The following MEGF6 variants were observed in gnomAD, a reference collection of about 807,000 sequenced individuals.
The protein encoded by MEGF6 is multiple epidermal growth factor-like domains protein 6.
In MEGF6, 184 loss-of-function variants were observed where a neutral mutation model predicts 207.1. The ratio of observed to expected loss-of-function variants is 0.89; its 90% CI spans 0.79 to 1.00. MEGF6 has a LOEUF of 1.00. MEGF6 is among the 50% of genes least tolerant of loss of function. The pLI, the probability that MEGF6 is intolerant of heterozygous loss-of-function variation, is 0.00. For missense variants in MEGF6, 2,282 were observed against 2,202.9 expected, an observed-to-expected ratio of 1.04 and a Z score of -0.72; for synonymous variants, 1,038 against 910.0, an observed-to-expected ratio of 1.14 and a Z score of -2.53.
At chr1:3,497,141 C>G (rs377429809) in intron 27 of MEGF6, 22 bp from the exon 28 acceptor site, 5 of 1,550,816 alleles carry the variant, frequency 3.2e-6, no homozygotes, top group East Asian at 2.3e-5. Context: ...CAGGCAGGGT[C>G]GGTCCTGGCC....
chr1:3,585,905 C>G (rs1245594799), intron 3 of MEGF6, among the ~76,000 whole-genome samples: 1 of 135,140 alleles, frequency 7.4e-6, no homozygotes, highest in Non-Finnish European at 1.5e-5. Flanking sequence ...TGGACACGTC[C>G]TGTGTGTGGG....
chr1:3,609,362 C>T (rs952655491), intron 1 of MEGF6, among the ~76,000 whole-genome samples: 3 of 152,244 alleles, frequency 2.0e-5, no homozygotes, highest in Non-Finnish European at 4.4e-5. Flanking sequence ...CGGCCCACTG[C>T]GGCCTGGCTG....
chr1:3,579,743 C>A, intron 4 of MEGF6, 82 bp downstream of exon 4: 1 of 978,320 alleles, frequency 1.0e-6, no homozygotes, highest in South Asian at 2.1e-5. Context: ...GTGCTGGGGA[C>A]GGCCAGTGGC....
chr1:3,525,518 G>A (rs999107912), intron 4 of MEGF6, among the ~76,000 whole-genome samples: 3 of 152,248 alleles, frequency 2.0e-5, no homozygotes, highest in Admixed American at 6.5e-5. Flanking sequence ...CTGAACAAGC[G>A]TGGCTGAAGA....
Position 3,514,585 on chromosome 1 carries a change from C to A in MEGF6, c.818G>T (p.Gly273Val). 1 of 1,588,534 alleles carries A rather than the reference C, an allele frequency of 6.3e-7. No individual in the cohort carries two copies. Among genetic ancestry groups the A allele is most frequent in the Non-Finnish European group, 8.5e-7 (1 of 1,169,980 alleles). The change falls in exon 7 of 37, where the codon GGC becomes GTC. Residue 273 changes from glycine to valine, a missense_variant. Gly to Val is a moderately radical substitution (Grantham distance 109, BLOSUM62 -3). Coordinates refer to ENST00000356575, the MANE Select transcript of MEGF6 (RefSeq NM_001409.4). ...CTTGCCGTCCGCTGCTAGCTGATAG[C>A]CCACGTGGCACTCACAGCGGGCGAG... Reference protein sequence around the residue: ...RGLARCECHVGYQLAADGKAC... With the variant: ...RGLARCECHVVYQLAADGKAC...
intron 4 of MEGF6, among the ~76,000 whole-genome samples, chr1:3,546,084 G>A (rs1311428264): frequency 6.6e-6 from 1 of 152,232 alleles, no homozygotes; most frequent in South Asian, 2.1e-4. Context: ...GGGCCAGGCT[G>A]CCCAGATCCA....
chr1:3,525,882 G>A (rs1028591357), intron 4 of MEGF6, among the ~76,000 whole-genome samples: 4 of 152,218 alleles, frequency 2.6e-5, no homozygotes, highest in Non-Finnish European at 5.9e-5. Flanking sequence ...GCTGGGCCTC[G>A]GGGGAATCCA....
intron 1 of MEGF6, among the ~76,000 whole-genome samples, chr1:3,604,106 G>A (rs1349466141): frequency 6.6e-5 from 10 of 152,318 alleles, no homozygotes; most frequent in East Asian, 1.9e-4. Context: ...GCCCACCCAC[G>A]AAGGGGCAGA....
At chr1:3,508,530 GC>G in intron 13 of MEGF6, 27 bp downstream of exon 13, 10 of 1,602,380 alleles carry the variant, frequency 6.2e-6, no homozygotes, top group Non-Finnish European at 8.5e-6. Flanking sequence ...CCCCTTCCCA[GC>G]CCCCAGCCCC....
At chr1:3,530,906 G>C (rs958009851) in intron 4 of MEGF6, among the ~76,000 whole-genome samples, 3 of 152,218 alleles carry the variant, frequency 2.0e-5, no homozygotes, top group African/African-American at 2.4e-5. Context: ...CGACTCCTCA[G>C]CGCCCACGGA....
intron 30 of MEGF6, among the ~76,000 whole-genome samples, chr1:3,495,384 A>G (rs950257311): frequency 6.6e-6 from 1 of 152,170 alleles, no homozygotes; most frequent in Non-Finnish European, 1.5e-5. Flanking sequence ...GGCTGTGTTC[A>G]TGAGCACTGG....
chr1:3,495,251 A>G (rs1163178966), intron 30 of MEGF6, among the ~76,000 whole-genome samples: 3 of 152,268 alleles, frequency 2.0e-5, no homozygotes, highest in Non-Finnish European at 4.4e-5. Flanking sequence ...CTGGGGCCTG[A>G]GCCCTGGGAT....
At chr1:3,537,294 CAG>C (rs1249397268) in intron 4 of MEGF6, among the ~76,000 whole-genome samples, 4 of 152,368 alleles carry the variant, frequency 2.6e-5, no homozygotes, top group Non-Finnish European at 5.9e-5. Context: ...TGGCATGAAA[CAG>C]GGGGAAGGAG....
At position 3,497,334 on chromosome 1, in the gene MEGF6, G is replaced by A; in HGVS notation, c.3380C>T (p.Ala1127Val). Residue 1127 changes from alanine (A) to valine (V), a missense_variant, in exon 27 of 37, where the codon GCC (alanine) becomes GTC (valine). By Grantham distance (64) the Ala-to-Val change is moderately conservative. Transcript: ENST00000356575. ...CGGGCAGCTGCAGCGCTGGGCACAGGCCTCTCCAAACCAGCCCCGCAGGCA... is the reference window on the plus strand; with the variant it reads ...CGGGCAGCTGCAGCGCTGGGCACAGACCTCTCCAAACCAGCCCCGCAGGCA... Reference protein sequence around the residue: ...SPCLRGWFGEACAQRCSCPPG... With the variant: ...SPCLRGWFGEVCAQRCSCPPG... The A allele has an allele frequency of 6.4e-7, 1 of 1,553,262 alleles. No homozygotes were observed. The highest frequency in any genetic ancestry group is 8.7e-7 in the Non-Finnish European group (1 of 1,154,668).
chr1:3,491,263 C>T (rs1325288179), intron 35 of MEGF6, among the ~76,000 whole-genome samples: 1 of 152,150 alleles, frequency 6.6e-6, no homozygotes, highest in Non-Finnish European at 1.5e-5. Context: ...CAGGACTCCC[C>T]ACGCCCAGCA....
chr1:3,566,441 C>T (rs957827763), intron 4 of MEGF6, among the ~76,000 whole-genome samples: 5 of 152,196 alleles, frequency 3.3e-5, no homozygotes, highest in South Asian at 2.1e-4. Context: ...GGGCACAGGA[C>T]GCCGGCCAAC....
upstream of MEGF6, among the ~76,000 whole-genome samples, chr1:3,613,139 G>A (rs1228291243): frequency 1.3e-5 from 2 of 152,182 alleles, no homozygotes; most frequent in African/African-American, 2.4e-5. Flanking sequence ...TGGTGCCCCC[G>A]TTGCTGATGC....
chr1:3,542,479 C>G (rs969288247), intron 4 of MEGF6, among the ~76,000 whole-genome samples: 1 of 152,174 alleles, frequency 6.6e-6, no homozygotes, highest in Admixed American at 6.5e-5. Context: ...GGCCGCCCCC[C>G]ACTCAGCCTG....
intron 26 of MEGF6, among the ~76,000 whole-genome samples, chr1:3,498,105 G>GCC (rs1640687801): frequency 6.6e-6 from 1 of 152,136 alleles, no homozygotes; most frequent in African/African-American, 2.4e-5. Flanking sequence ...GAGCCCCAAA[G>GCC]CATCCTCCGT....
Sources: gnomAD v4.1 joint callset for allele counts (sites outside exome capture counted in the v4.1 genomes callset) on GRCh38, gnomAD v4.1.1 for gene constraint, MANE v1.5 for transcripts, NCBI Gene and HGNC (gene_info 2026-07-23, HGNC 2026-07-21) for gene names.